Variants in INSL6 observed in about 807,000 individuals in gnomAD.
The protein encoded by INSL6 is insulin like 6, also known as insulin-like peptide INSL6.
A neutral mutation model predicts 9.4 loss-of-function variants in INSL6; 16 were observed. The observed-to-expected ratio is 1.70, with a 90% CI of 1.15 to 2.59. INSL6 has a LOEUF of 2.59. Ranked by LOEUF, INSL6 falls within the 30% of genes most tolerant of loss-of-function variation. INSL6 has a pLI of 0.00. For missense variants in INSL6, 391 were observed against 257.3 expected (o/e 1.52, Z -3.56); for synonymous variants, 154 against 96.9 (o/e 1.59, Z -3.46).
At chr9:5,040,827 T>G in the INSL6 span, 1 of 206,796 alleles carries the variant, frequency 4.8e-6, no homozygotes, top group Non-Finnish European at 9.9e-6. Context: ...GGGGCCCGAG[T>G]GGGGCGCCAG....
chr9:5,055,172 C>CT, the INSL6 span, among the ~76,000 whole-genome samples: 19 of 152,024 alleles, frequency 1.2e-4, no homozygotes, highest in South Asian at 1.0e-3. Flanking sequence ...CCTTTCACTA[C>CT]TAGTGATAAC....
At chr9:5,078,645 G>T in the INSL6 span, among the ~76,000 whole-genome samples, 1 of 152,096 alleles carries the variant, frequency 6.6e-6, no homozygotes, top group Non-Finnish European at 1.5e-5. Flanking sequence ...ACCATGGACT[G>T]TGAGGTGATT....
chr9:5,162,885 G>C (rs1000080672), downstream of INSL6, among the ~76,000 whole-genome samples: 2 of 152,110 alleles, frequency 1.3e-5, no homozygotes, highest in African/African-American at 4.8e-5. Context: ...ACTAATTAAT[G>C]GGTACGAAGT....
At chr9:5,035,465 A>G in the INSL6 span, among the ~76,000 whole-genome samples, 2 of 152,230 alleles carry the variant, frequency 1.3e-5, no homozygotes, top group Non-Finnish European at 2.9e-5. Context: ...CTTGATGAAC[A>G]TTGATGCAAA....
chr9:5,102,681 T>C, the INSL6 span, among the ~76,000 whole-genome samples: 4 of 152,322 alleles, frequency 2.6e-5, no homozygotes, highest in East Asian at 7.7e-4. Flanking sequence ...CCCATCAGAC[T>C]AACAGCGGAT....
the INSL6 span, among the ~76,000 whole-genome samples, chr9:5,103,585 C>G: frequency 6.6e-6 from 1 of 152,180 alleles, no homozygotes; most frequent in African/African-American, 2.4e-5. Context: ...TAGACATCTA[C>G]AGAACCCTCC....
At chr9:5,032,618 T>C in the INSL6 span, among the ~76,000 whole-genome samples, 1 of 152,246 alleles carries the variant, frequency 6.6e-6, no homozygotes, top group Non-Finnish European at 1.5e-5. Flanking sequence ...CCACTGCTGC[T>C]GGTACCCAGG....
the INSL6 span, among the ~76,000 whole-genome samples, chr9:5,012,691 A>C: frequency 6.6e-6 from 1 of 152,358 alleles, no homozygotes; most frequent in Non-Finnish European, 1.5e-5. Context: ...CTACCTGCTA[A>C]GAATAGATCG....
the INSL6 span, among the ~76,000 whole-genome samples, chr9:5,080,927 A>G: frequency 3.0e-4 from 31 of 104,952 alleles, no homozygotes; most frequent in African/African-American, 1.0e-3. Context: ...ATGGAGTCTT[A>G]CTCTGTCGCC....
intron 2 of INSL6, among the ~76,000 whole-genome samples, chr9:5,146,580 C>T (rs1019660767): frequency 6.6e-6 from 1 of 152,188 alleles, no homozygotes; most frequent in African/African-American, 2.4e-5. Flanking sequence ...GTTCTCTGTG[C>T]AGCATTAACA....
chr9:5,118,038 G>C, the INSL6 span, among the ~76,000 whole-genome samples: 1 of 151,956 alleles, frequency 6.6e-6, no homozygotes, highest in Non-Finnish European at 1.5e-5. Flanking sequence ...TGTAAATATT[G>C]ACATTTAAAT....
chr9:5,121,011 T>C (rs185647707), downstream of INSL6, among the ~76,000 whole-genome samples: 94 of 152,178 alleles, frequency 6.2e-4, no homozygotes, highest in Middle Eastern at 3.4e-3. Context: ...CTTTAGTATA[T>C]AGGTGGATGA....
the INSL6 span, chr9:5,073,886 C>A: frequency 1.4e-6 from 1 of 734,308 alleles, no homozygotes; most frequent in Non-Finnish European, 2.3e-6. Context: ...TCAGTGTAAA[C>A]TATAATTTAA....
the INSL6 span, chr9:5,054,986 C>A: frequency 4.9e-6 from 4 of 815,392 alleles, no homozygotes; most frequent in Non-Finnish European, 7.5e-6. This position sits in a 1 kb window ranked among gnomAD's most constrained non-coding sequence, Gnocchi z 4.9. Context: ...GCACTTCTCC[C>A]ATTTGATAGA....
the INSL6 span, among the ~76,000 whole-genome samples, chr9:5,038,581 T>C: frequency 7.1e-6 from 1 of 141,260 alleles, no homozygotes; most frequent in Non-Finnish European, 1.5e-5. Flanking sequence ...GGACCAGAAG[T>C]GTTTTGGATT....
chr9:5,021,920 A>G, the INSL6 span: 1 of 1,201,212 alleles, frequency 8.3e-7, no homozygotes, highest in African/African-American at 1.5e-5. Flanking sequence ...GGTGTGAGAC[A>G]CTGCGCCCAG....
At chr9:5,134,457 C>G (rs1319019679) in intron 2 of INSL6, among the ~76,000 whole-genome samples, 1 of 152,152 alleles carries the variant, frequency 6.6e-6, no homozygotes, top group Admixed American at 6.5e-5. Context: ...GTCGGGTTAC[C>G]CACAAAGGGA....
the INSL6 span, among the ~76,000 whole-genome samples, chr9:5,026,344 A>C: frequency 1.3e-5 from 2 of 152,226 alleles, no homozygotes; most frequent in African/African-American, 4.8e-5. Context: ...TGTAAATAAA[A>C]GAATGAATGC....
intron 2 of INSL6, among the ~76,000 whole-genome samples, chr9:5,155,428 A>G (rs1213722825): frequency 1.3e-5 from 2 of 151,858 alleles, no homozygotes; most frequent in Non-Finnish European, 2.9e-5. Context: ...ATACATATGT[A>G]ACAAACCTGC....
Sources: gnomAD v4.1 joint callset for allele counts (sites outside exome capture counted in the v4.1 genomes callset) on GRCh38, gnomAD v4.1.1 for gene constraint, Gnocchi (gnomAD v3.1) non-coding constraint, MANE v1.5 for transcripts, NCBI Gene and HGNC (gene_info 2026-07-23, HGNC 2026-07-21) for gene names.